The following CDH12 variants were observed in gnomAD, a reference collection of about 807,000 sequenced individuals.
CDH12 encodes the protein cadherin 12, also known as cadherin-12.
In CDH12, 41 loss-of-function variants were observed where a neutral mutation model predicts 74.1. The observed-to-expected ratio is 0.55, with a 90% CI of 0.43 to 0.72. CDH12 has a LOEUF of 0.72. CDH12 is among the 30% of genes least tolerant of loss of function. CDH12 has a pLI of 0.00. For missense variants in CDH12, 945 were observed against 977.2 expected, an observed-to-expected ratio of 0.97 and a Z score of 0.44; for synonymous variants, 399 against 355.0, an observed-to-expected ratio of 1.12 and a Z score of -1.39.
intron 3 of CDH12, among the ~76,000 whole-genome samples, chr5:22,308,956 GGAGAGA>G (rs543803749): frequency 1.2e-5 from 1 of 81,528 alleles, no homozygotes. Flanking sequence ...AGGAGAGAGA[GGAGAGA>G]GAGAGAGAGA....
intron 6 of CDH12, among the ~76,000 whole-genome samples, chr5:21,871,099 G>A (rs1751593603): frequency 6.6e-6 from 1 of 152,098 alleles, no homozygotes. Flanking sequence ...GTTCTTCAGT[G>A]TGACAGGTAA....
intron 4 of CDH12, among the ~76,000 whole-genome samples, chr5:22,109,984 G>C (rs1744713337): frequency 6.6e-6 from 1 of 152,174 alleles, no homozygotes; most frequent in South Asian, 2.1e-4. Context: ...AATTAGACAA[G>C]GTAAAAGGGC....
At chr5:21,991,258 A>G (rs1473021361) in intron 5 of CDH12, among the ~76,000 whole-genome samples, 4 of 151,752 alleles carry the variant, frequency 2.6e-5, no homozygotes, top group Non-Finnish European at 5.9e-5. Context: ...AAGACATAAA[A>G]TCCATCATAT....
intron 5 of CDH12, among the ~76,000 whole-genome samples, chr5:22,009,939 C>CAAAAAAAAAAAAAAAAAAAAAAAAAA (rs774589642): frequency 1.8e-5 from 1 of 54,340 alleles, no homozygotes; most frequent in African/African-American, 5.6e-5. Flanking sequence ...GAAACTGTCT[C>CAAAAAAAAAAAAAAAAAAAAAAAAAA]AAAAAAAAAA....
intron 1 of CDH12, among the ~76,000 whole-genome samples, chr5:22,786,882 C>G (rs1747653773): frequency 6.6e-6 from 1 of 151,838 alleles, no homozygotes; most frequent in South Asian, 2.1e-4. Flanking sequence ...CCACATCTGG[C>G]TAATTTTTTG....
intron 1 of CDH12, among the ~76,000 whole-genome samples, chr5:22,602,229 A>G (rs983361362): frequency 3.9e-5 from 6 of 152,138 alleles, no homozygotes; most frequent in East Asian, 1.9e-4. Context: ...TGTTGATTCA[A>G]TAAATGCCAC....
In CDH12 at chr5:22,784,055, T is replaced by C. The variant is rs141694653; in HGVS notation, c.-523+69003A>G. On this transcript the variant is annotated intron_variant, in intron 1 of 14. Transcript: ENST00000382254. ...GAGGGCAGTCCTGATTATTTTTCTC[T>C]ATATATTTATATAAAGAATTAAACA... 3.0e-4 allele frequency among the ~76,000 whole-genome samples: 45 copies of C among 152,234 alleles called. No homozygotes were observed. The East Asian group carries it at 5.0e-3, about 17-fold the overall frequency.
intron 6 of CDH12, among the ~76,000 whole-genome samples, chr5:21,856,774 A>C (rs1023032596): frequency 1.3e-5 from 2 of 151,798 alleles, no homozygotes; most frequent in African/African-American, 2.4e-5. Flanking sequence ...ATATTTTTTC[A>C]TAAAACCCCA....
intron 1 of CDH12, among the ~76,000 whole-genome samples, chr5:22,749,825 G>T (rs1051570532): frequency 2.0e-5 from 3 of 152,136 alleles, no homozygotes; most frequent in Non-Finnish European, 4.4e-5. Context: ...ACCTGCATGC[G>T]TCCTACTGTA....
chr5:22,096,876 T>G (rs1743812920), intron 4 of CDH12, among the ~76,000 whole-genome samples: 1 of 152,078 alleles, frequency 6.6e-6, no homozygotes, highest in Non-Finnish European at 1.5e-5. Context: ...CTCCCAACAT[T>G]AAATAAAGCT....
intron 3 of CDH12, among the ~76,000 whole-genome samples, chr5:22,235,794 C>G (rs528275534): frequency 9.2e-5 from 14 of 152,244 alleles, no homozygotes; most frequent in African/African-American, 3.4e-4. Flanking sequence ...TCCTGCCTCA[C>G]TTAACACTAG....
intron 7 of CDH12, among the ~76,000 whole-genome samples, chr5:21,843,840 C>T (rs1172580258): frequency 6.6e-6 from 1 of 152,092 alleles, no homozygotes; most frequent in Admixed American, 6.6e-5. Flanking sequence ...AGTTATGTGA[C>T]TTCTGCCTGA....
At chr5:22,594,374 G>T (rs1736492580) in intron 1 of CDH12, among the ~76,000 whole-genome samples, 1 of 152,062 alleles carries the variant, frequency 6.6e-6, no homozygotes, top group African/African-American at 2.4e-5. Context: ...CCTACAAAGT[G>T]GAGCCCATAT....
At chr5:22,662,994 T>G (rs1740428190) in intron 1 of CDH12, among the ~76,000 whole-genome samples, 1 of 152,206 alleles carries the variant, frequency 6.6e-6, no homozygotes, top group African/African-American at 2.4e-5. Flanking sequence ...ATAAATAACA[T>G]GGAGTTTATA....
chr5:22,166,819 G>A (rs1216095344), intron 4 of CDH12, among the ~76,000 whole-genome samples: 1 of 151,966 alleles, frequency 6.6e-6, no homozygotes, highest in Admixed American at 6.6e-5. Context: ...TTTTAGAAAT[G>A]ATCACTCCCT....
At chr5:22,534,192 CT>C (rs528309114) in intron 1 of CDH12, among the ~76,000 whole-genome samples, 8 of 149,290 alleles carry the variant, frequency 5.4e-5, no homozygotes, top group Admixed American at 6.7e-5. Context: ...CTCTTTACTT[CT>C]TTTTTTTTTA....
At chr5:22,591,660 T>C (rs1280706040) in intron 1 of CDH12, among the ~76,000 whole-genome samples, 1 of 152,196 alleles carries the variant, frequency 6.6e-6, no homozygotes, top group Non-Finnish European at 1.5e-5. Context: ...ATCACTGCCC[T>C]ATTGGAGTCA....
intron 2 of CDH12, among the ~76,000 whole-genome samples, chr5:22,435,009 T>C (rs562434572): frequency 2.0e-5 from 3 of 152,220 alleles, no homozygotes; most frequent in Admixed American, 1.3e-4. Flanking sequence ...GTGGGGGTGA[T>C]GGTTAATAGT....
At chr5:22,345,559 A>C (rs1740074679) in intron 3 of CDH12, among the ~76,000 whole-genome samples, 1 of 152,200 alleles carries the variant, frequency 6.6e-6, no homozygotes, top group African/African-American at 2.4e-5. Context: ...TATATTTATT[A>C]ACCTATTAGT....
Sources: allele counts gnomAD v4.1 joint callset (sites outside exome capture counted in the v4.1 genomes callset), GRCh38; gene constraint gnomAD v4.1.1; transcripts MANE v1.5; gene names NCBI Gene and HGNC (gene_info 2026-07-23, HGNC 2026-07-21).